The following AASS variants were observed in gnomAD, a reference collection of about 807,000 sequenced individuals.
The protein encoded by AASS is alpha-aminoadipic semialdehyde synthase, mitochondrial.
Under a neutral mutation model 105.4 loss-of-function variants are expected in AASS, and 86 were observed. That is an observed-to-expected ratio of 0.82 (90% CI 0.69 to 0.98). The LOEUF (loss-of-function observed/expected upper bound fraction) is 0.98. AASS is among the 50% of genes least tolerant of loss of function. AASS has a pLI of 0.00. For synonymous variants in AASS, 381 were observed against 394.8 expected (o/e 0.96, Z 0.41); for missense variants, 1,048 against 1,143.2 (o/e 0.92, Z 1.20).
At chr7:122,109,253 C>CAAAAA (rs3069225) in intron 11 of AASS, among the ~76,000 whole-genome samples, 6 of 112,096 alleles carry the variant, frequency 5.4e-5, no homozygotes, top group Non-Finnish European at 5.7e-5. Context: ...CAATCCTTAC[C>CAAAAA]AAAAAAAAAA....
chr7:122,078,103 A>G (rs1003460814), intron 22 of AASS, 89 bp from the exon 23 acceptor site: 7 of 1,289,978 alleles, frequency 5.4e-6, no homozygotes, highest in African/African-American at 4.4e-5. Flanking sequence ...TGGTCTTAAA[A>G]GTTTTCCCTC....
intron 8 of AASS, among the ~76,000 whole-genome samples, chr7:122,116,039 T>C (rs1031140640): frequency 6.6e-6 from 1 of 152,182 alleles, no homozygotes; most frequent in African/African-American, 2.4e-5. Flanking sequence ...TTTTGGTTTG[T>C]TAGTTTATCT....
At chr7:122,104,195 T>C (rs919089285) in intron 11 of AASS, among the ~76,000 whole-genome samples, 1 of 152,108 alleles carries the variant, frequency 6.6e-6, no homozygotes, top group African/African-American at 2.4e-5. Flanking sequence ...AAAGCTCTAC[T>C]ATTCACAATA....
rs1305997996 is a variant in AASS at position 122,115,216 on chromosome 7, G to A, written c.901C>T (p.Pro301Ser). The A allele has an allele frequency of 3.1e-6, 5 of 1,614,038 alleles. No homozygotes were observed. The highest frequency in any genetic ancestry group is 4.2e-6 in the Non-Finnish European group (5 of 1,179,990). Reference sequence around the variant, plus strand: ...CCATTAATTAAGCAAGTTGTATAGGGTGCAATCTGTAATGCAAGTTCCAGG... The same window carrying A: ...CCATTAATTAAGCAAGTTGTATAGGATGCAATCTGTAATGCAAGTTCCAGG... ...YISRFNTDIA[P>S]YTTCLINGIY... The change falls in exon 9 of 24, where the codon CCC (proline) becomes TCC (serine). Residue 301 changes from proline to serine, a missense_variant. Coordinates refer to ENST00000417368, the MANE Select transcript of AASS (RefSeq NM_005763.4).
chr7:122,123,700 A>G (rs919602679), intron 4 of AASS, among the ~76,000 whole-genome samples: 1 of 152,164 alleles, frequency 6.6e-6, no homozygotes, highest in Non-Finnish European at 1.5e-5. Context: ...AGCAACCTGA[A>G]GGGTCACCTT....
At chr7:122,141,440 CTT>C (rs2150560613) in intron 1 of AASS, among the ~76,000 whole-genome samples, 1 of 152,216 alleles carries the variant, frequency 6.6e-6, no homozygotes, top group African/African-American at 2.4e-5. Context: ...TTGTCTGTCT[CTT>C]TGCTAAACTG....
intron 4 of AASS, among the ~76,000 whole-genome samples, chr7:122,125,303 T>A (rs1400446490): frequency 6.6e-6 from 1 of 152,208 alleles, no homozygotes; most frequent in Non-Finnish European, 1.5e-5. Context: ...GATGCAAGTA[T>A]AATATTAATA....
Position 122,113,164 on chromosome 7 carries a change from G to T in AASS, c.1232C>A (p.Ala411Asp), listed in dbSNP as rs770064872. Residue 411 changes from alanine to aspartate, a missense_variant, in exon 11 of 24, where the codon GCT (alanine) becomes GAT (aspartate). Ala to Asp is a moderately radical substitution (Grantham distance 126). Transcript: ENST00000417368. ...DNLPAQLPIE[A>D]TECFGDMLYP... The stretch of plus-strand genomic sequence containing the variant: ...AAGCATGTCTCCAAAGCATTCTGTA[G>T]CTTCAATTGGGAGCTGTGCCGGCAA... 6.2e-7 allele frequency: 1 copy of T among 1,614,026 alleles called. No homozygotes were observed.
At position 122,118,570 on chromosome 7, in the gene AASS, G is replaced by T. The variant is rs1562981244; in HGVS notation, c.533C>A (p.Pro178His). 6.2e-7 allele frequency: 1 copy of T among 1,613,950 alleles called. No homozygotes were observed. Among genetic ancestry groups the T allele is most frequent in the African/African-American group, 1.3e-5 (1 of 74,902 alleles). Residue 178 changes from proline (P) to histidine (H), a missense_variant, in exon 5 of 24, where the codon CCT becomes CAT. Coordinates refer to ENST00000417368, the MANE Select transcript of AASS (RefSeq NM_005763.4). The part of the protein sequence containing the change: ...LRLLALGHHT[P>H]FMHIGMAHNY... ...AAAATAAACATCTCTTACCATAAAA[G>T]GTGTGTGATGTCCCAAAGCAAGGAG... is the stretch of plus-strand genomic sequence containing the variant.
chr7:122,129,986 T>C (rs1219783976), intron 2 of AASS, among the ~76,000 whole-genome samples: 1 of 152,098 alleles, frequency 6.6e-6, no homozygotes, highest in Admixed American at 6.5e-5. Flanking sequence ...TACTGTACAT[T>C]AGTCCGTGCT....
At position 122,112,580 on chromosome 7, in the gene AASS, C is replaced by G. The variant is rs531910893; in HGVS notation, c.1278+538G>C. ...AAATAAAGCAGGAAGGCTATGAATG[C>G]TTAGGATAAAAACTGAAATAAGAAA... On this transcript the variant is annotated intron_variant, in intron 11 of 23. Coordinates refer to ENST00000417368, the MANE Select transcript of AASS (RefSeq NM_005763.4). 3.3e-5 allele frequency among the ~76,000 whole-genome samples: 5 copies of G among 152,162 alleles called. No homozygotes were observed. The South Asian group carries it at 1.0e-3, about 32-fold the overall frequency.
In AASS at chr7:122,133,672, C is replaced by T; in HGVS notation, c.55G>A (p.Gly19Ser). ...LGRLGVSLSK[G>S]LHHKAVLAVR... ...GCCAACACAGCTTTGTGGTGAAGACCCTTGGAGAGGCTGACCCCCAGCCTG... is the reference window on the plus strand; with the variant it reads ...GCCAACACAGCTTTGTGGTGAAGACTCTTGGAGAGGCTGACCCCCAGCCTG... Residue 19 changes from glycine to serine, a missense_variant, in exon 2 of 24, where the codon GGT (glycine) becomes AGT (serine). Coordinates refer to ENST00000417368, the MANE Select transcript of AASS (RefSeq NM_005763.4). 1.2e-6 allele frequency: 2 copies of T among 1,614,108 alleles called. No homozygotes were observed. Among genetic ancestry groups the T allele is most frequent in the Non-Finnish European group, 8.5e-7 (1 of 1,180,036 alleles).
At chr7:122,127,597 T>C (rs1386002394) in intron 3 of AASS, among the ~76,000 whole-genome samples, 1 of 152,186 alleles carries the variant, frequency 6.6e-6, no homozygotes, top group Non-Finnish European at 1.5e-5. Flanking sequence ...TTGAACTTAT[T>C]CTTTAGAAAT....
chr7:122,118,437 T>C lies in AASS; in HGVS notation c.557A>G (p.His186Arg), dbSNP rs1341995393. ...AGCCTGACTGCTATTCCTGTAGTTA[T>C]GAGCCATGCCAATGTGCTGAAAACA... ...HTPFMHIGMA[H>R]NYRNSSQAVQ... Residue 186 changes from histidine (H) to arginine (R), a missense_variant, in exon 6 of 24, where the codon CAT becomes CGT. Coordinates refer to ENST00000417368, the MANE Select transcript of AASS (RefSeq NM_005763.4). 2 of 1,614,182 alleles carry C rather than the reference T, an allele frequency of 1.2e-6. No individual in the cohort carries two copies. Among genetic ancestry groups the C allele is most frequent in the East Asian group, 2.2e-5 (1 of 44,876 alleles).
At chr7:122,120,252 G>A (rs974396927) in intron 4 of AASS, among the ~76,000 whole-genome samples, 3 of 152,056 alleles carry the variant, frequency 2.0e-5, no homozygotes, top group Non-Finnish European at 4.4e-5. Flanking sequence ...GTGGAATTTA[G>A]TTTGTACCTT....
intron 1 of AASS, among the ~76,000 whole-genome samples, chr7:122,140,046 T>C (rs912436555): frequency 2.0e-5 from 3 of 152,178 alleles, no homozygotes; most frequent in Admixed American, 6.5e-5. Context: ...GAGATTTTCA[T>C]AGAGCTTTTT....
rs1351452895 is a variant in AASS, at chr7:122,113,547, T to G, written c.1166+51A>C. On this transcript the variant is annotated intron_variant, in intron 10 of 23. Coordinates refer to ENST00000417368, the MANE Select transcript of AASS (RefSeq NM_005763.4). ...AAATACTGAGAATTTTAGAGTAGTA[T>G]ATCAATGTAACTAAGTGAGGAATAT... The G allele has an allele frequency of 8.1e-6, 13 of 1,602,430 alleles. No homozygotes were observed. The South Asian group carries it at 1.3e-4, about 16-fold the overall frequency.
At chr7:122,107,841 A>G (rs1794736046) in intron 11 of AASS, among the ~76,000 whole-genome samples, 1 of 151,786 alleles carries the variant, frequency 6.6e-6, no homozygotes, top group Non-Finnish European at 1.5e-5. Flanking sequence ...CCCTCGTGAC[A>G]CAAGTTTACC....
intron 19 of AASS, among the ~76,000 whole-genome samples, chr7:122,084,065 A>G (rs749106210): frequency 1.3e-5 from 2 of 152,178 alleles, no homozygotes; most frequent in Non-Finnish European, 2.9e-5. Flanking sequence ...AAAAGACTAT[A>G]CTGAAAGCTA....
Sources: gnomAD v4.1 joint callset for allele counts (sites outside exome capture counted in the v4.1 genomes callset) on GRCh38, gnomAD v4.1.1 for gene constraint, MANE v1.5 for transcripts, NCBI Gene and HGNC (gene_info 2026-07-23, HGNC 2026-07-21) for gene names.